Variants in LPP observed in about 807,000 individuals in gnomAD.
LPP encodes the protein LIM domain containing preferred translocation partner in lipoma.
Under a neutral mutation model 60.4 loss-of-function variants are expected in LPP, and 38 were observed. The observed-to-expected ratio is 0.63, with a 90% CI of 0.49 to 0.83. LPP has a LOEUF of 0.83. Among genes scored for constraint, LPP ranks in the 40% least tolerant of loss-of-function variants. LPP has a pLI of 0.00. For missense variants in LPP, 902 were observed against 783.6 expected (o/e 1.15, Z -1.80); for synonymous variants, 328 against 290.8 (o/e 1.13, Z -1.30).
At chr3:188,687,665 G>C (rs1353001424) in intron 7 of LPP, among the ~76,000 whole-genome samples, 1 of 151,894 alleles carries the variant, frequency 6.6e-6, no homozygotes, top group Non-Finnish European at 1.5e-5. Flanking sequence ...TTATAGCAGT[G>C]TGAAAATGGA....
intron 8 of LPP, among the ~76,000 whole-genome samples, chr3:188,731,913 T>C (rs1446844993): frequency 6.6e-6 from 1 of 152,136 alleles, no homozygotes; most frequent in Non-Finnish European, 1.5e-5. Flanking sequence ...TCTTTCCTTC[T>C]TTTCATTTAC....
chr3:188,409,270 A>C (rs1475009947), intron 4 of LPP, among the ~76,000 whole-genome samples: 1 of 152,104 alleles, frequency 6.6e-6, no homozygotes, highest in Non-Finnish European at 1.5e-5. Context: ...CTCTAAATAT[A>C]ATAACCTTTA....
intron 7 of LPP, among the ~76,000 whole-genome samples, chr3:188,617,254 G>A (rs747771537): frequency 6.6e-6 from 1 of 152,176 alleles, no homozygotes; most frequent in Non-Finnish European, 1.5e-5. Context: ...TTACAGATGA[G>A]AAAACTGAGG....
At chr3:188,183,216 G>A in intron 1 of LPP, among the ~76,000 whole-genome samples, 1 of 152,118 alleles carries the variant, frequency 6.6e-6, no homozygotes, top group East Asian at 1.9e-4. Flanking sequence ...TAGAAAACAG[G>A]CACCACGTCC....
intron 6 of LPP, among the ~76,000 whole-genome samples, chr3:188,590,160 T>C (rs549417959): frequency 6.8e-6 from 1 of 147,354 alleles, no homozygotes; most frequent in Admixed American, 6.7e-5. Flanking sequence ...TCTTTTATAA[T>C]GGTATTGTGT....
At chr3:188,671,070 A>G (rs562840470) in intron 7 of LPP, among the ~76,000 whole-genome samples, 105 of 152,296 alleles carry the variant, frequency 6.9e-4, no homozygotes, top group African/African-American at 2.4e-3. Flanking sequence ...TGTTCTCTCT[A>G]CGTTCTAAAA....
intron 2 of LPP, among the ~76,000 whole-genome samples, chr3:188,232,965 T>G (rs1376373575): frequency 2.0e-5 from 3 of 152,118 alleles, no homozygotes; most frequent in Non-Finnish European, 4.4e-5. Context: ...AATGTTAAGT[T>G]TCTGATCACC....
At chr3:188,866,643 T>C (rs943265686) in intron 10 of LPP, among the ~76,000 whole-genome samples, 2 of 152,208 alleles carry the variant, frequency 1.3e-5, no homozygotes, top group Non-Finnish European at 2.9e-5. Flanking sequence ...ACGAAAAAGC[T>C]GGCTCAGCTA....
chr3:188,197,289 T>C (rs1729805333), intron 1 of LPP, among the ~76,000 whole-genome samples: 1 of 152,102 alleles, frequency 6.6e-6, no homozygotes, highest in Non-Finnish European at 1.5e-5. Context: ...CTGAAGGATA[T>C]TGAATAGGCC....
At chr3:188,463,117 A>G (rs1446562490) in intron 4 of LPP, among the ~76,000 whole-genome samples, 1 of 152,102 alleles carries the variant, frequency 6.6e-6, no homozygotes, top group Non-Finnish European at 1.5e-5. Flanking sequence ...AACAACAACA[A>G]CAAAAATAAT....
intron 2 of LPP, among the ~76,000 whole-genome samples, chr3:188,273,596 T>TC (rs1293041821): frequency 6.3e-5 from 8 of 127,930 alleles, no homozygotes; most frequent in Non-Finnish European, 9.6e-5. Context: ...TATCTTTTTT[T>TC]TTTTTTTTTT....
chr3:188,430,387 A>C (rs1790593394), intron 4 of LPP, among the ~76,000 whole-genome samples: 1 of 152,172 alleles, frequency 6.6e-6, no homozygotes, highest in Admixed American at 6.5e-5. Context: ...GTAGGATAGC[A>C]TGTTATCTTC....
intron 3 of LPP, among the ~76,000 whole-genome samples, chr3:188,345,417 C>G (rs562502136): frequency 6.6e-6 from 1 of 152,250 alleles, no homozygotes; most frequent in African/African-American, 2.4e-5. Flanking sequence ...TCACTCTCCT[C>G]CACCCGCCTC....
intron 6 of LPP, among the ~76,000 whole-genome samples, chr3:188,592,563 T>TGTTTTTTTTTTTTTTTTTTGG: frequency 2.6e-5 from 2 of 77,252 alleles, no homozygotes; most frequent in African/African-American, 9.4e-5. Context: ...TTTTGTTTTT[T>TGTTTTTTTTTTTTTTTTTTGG]AAATGGAGTC....
At chr3:188,773,805 T>C (rs1005562236) in intron 9 of LPP, among the ~76,000 whole-genome samples, 1 of 151,988 alleles carries the variant, frequency 6.6e-6, no homozygotes, top group African/African-American at 2.4e-5. Context: ...TGGAACGCGC[T>C]AAATGTGTTG....
At chr3:188,418,942 C>G (rs1344953784) in intron 4 of LPP, among the ~76,000 whole-genome samples, 1 of 152,090 alleles carries the variant, frequency 6.6e-6, no homozygotes, top group African/African-American at 2.4e-5. Context: ...TTTTACCGTT[C>G]TATAGAAATG....
intron 4 of LPP, among the ~76,000 whole-genome samples, chr3:188,457,425 T>C (rs554130399): frequency 2.6e-4 from 40 of 152,248 alleles, no homozygotes; most frequent in Middle Eastern, 6.8e-3. Flanking sequence ...ATCTTACTTT[T>C]GAAAGAAAGG....
At chr3:188,261,849 T>C (rs1003443205) in intron 2 of LPP, among the ~76,000 whole-genome samples, 10 of 152,150 alleles carry the variant, frequency 6.6e-5, no homozygotes, top group Admixed American at 4.6e-4. Flanking sequence ...CCCAGGAGTT[T>C]AAGGCTGCAG....
chr3:188,253,717 C>G (rs576869440), intron 2 of LPP, among the ~76,000 whole-genome samples: 2 of 152,070 alleles, frequency 1.3e-5, no homozygotes, highest in African/African-American at 2.4e-5. Flanking sequence ...CCATTTTTGT[C>G]AAAAATTAAC....
Sources: gnomAD v4.1 joint callset for allele counts (sites outside exome capture counted in the v4.1 genomes callset) on GRCh38, gnomAD v4.1.1 for gene constraint, MANE v1.5 for transcripts, NCBI Gene and HGNC (gene_info 2026-07-23, HGNC 2026-07-21) for gene names.